Variants in ACTR6 observed in about 807,000 individuals in gnomAD.
ACTR6 encodes the protein actin related protein 6.
Under a neutral mutation model 52.5 loss-of-function variants are expected in ACTR6, and 50 were observed. That is an observed-to-expected ratio of 0.95 (90% CI 0.76 to 1.20). The LOEUF (loss-of-function observed/expected upper bound fraction) is 1.20, where lower values mean the gene tolerates loss of function less well. ACTR6 is among the 50% of genes most tolerant of loss of function. The pLI, the probability that ACTR6 is intolerant of heterozygous loss-of-function variation, is 0.00. For synonymous variants in ACTR6, 135 were observed against 147.2 expected (o/e 0.92, Z 0.60); for missense variants, 344 against 472.4 (o/e 0.73, Z 2.52).
At chr12:100,216,378 G>A (rs1227530936) in intron 8 of ACTR6, among the ~76,000 whole-genome samples, 2 of 152,212 alleles carry the variant, frequency 1.3e-5, no homozygotes, top group Non-Finnish European at 2.9e-5. Flanking sequence ...TGTTGCCCAG[G>A]CTAGCCTCAA....
intron 8 of ACTR6, among the ~76,000 whole-genome samples, chr12:100,215,789 T>G (rs1337584162): frequency 6.6e-6 from 1 of 152,184 alleles, no homozygotes; most frequent in Non-Finnish European, 1.5e-5. Context: ...TATTGGAATT[T>G]TTTATATTGT....
chr12:100,219,121 T>C (rs2096126061), intron 9 of ACTR6, among the ~76,000 whole-genome samples: 1 of 148,510 alleles, frequency 6.7e-6, no homozygotes, highest in African/African-American at 2.5e-5. Context: ...AAGTAGGCAT[T>C]GGAGAAAATC....
intron 1 of ACTR6, chr12:100,204,397 A>G (rs1290405763): frequency 6.6e-6 from 1 of 152,150 alleles, no homozygotes; most frequent in Non-Finnish European, 1.5e-5. Context: ...GTTTTGCCCC[A>G]TCACCAAGGC....
intron 1 of ACTR6, among the ~76,000 whole-genome samples, chr12:100,201,693 C>A (rs922808369): frequency 2.0e-5 from 3 of 152,188 alleles, no homozygotes; most frequent in African/African-American, 7.2e-5. Flanking sequence ...TGCCGTGGTG[C>A]GATCTCAGCT....
chr12:100,214,911 T>C lies in ACTR6; in HGVS notation c.750+2383T>C, dbSNP rs148794242. On this transcript the variant is annotated intron_variant, in intron 8 of 10. Transcript: ENST00000188312. The stretch of plus-strand genomic sequence containing the variant: ...GGCTAAGATACGGAAGGTGTATTTT[T>C]TTTCTTCTTCACAAGACAAGAAAAA... Among the ~76,000 whole-genome samples, 823 of 152,314 alleles carry C rather than the reference T, an allele frequency of 5.4e-3. 6 individuals carry two copies. Among genetic ancestry groups the C allele is most frequent in the Non-Finnish European group, 0.01 (697 of 68,022 alleles).
chr12:100,210,251 A>G (rs746858262), intron 5 of ACTR6, 43 bp downstream of exon 5: 2 of 1,607,578 alleles, frequency 1.2e-6, no homozygotes, highest in Admixed American at 1.7e-5. Context: ...AAGATTAAAC[A>G]GAATGATATG....
chr12:100,218,270 T>C lies in ACTR6; in HGVS notation c.751-145T>C, dbSNP rs764421808. The C allele has an allele frequency of 2.1e-4, 100 of 476,250 alleles. No homozygotes were observed. Among genetic ancestry groups the C allele is most frequent in the Non-Finnish European group, 2.9e-4 (92 of 318,950 alleles). 29.5% of individuals were successfully genotyped at this position (476,250 alleles called of 1,614,324 possible). A position where few individuals can be genotyped will look rare whatever the true frequency, so the allele number is the denominator to read the frequency against. The stretch of plus-strand genomic sequence containing the variant: ...AACAGTAAAGGCAGCCACACATTCT[T>C]CTAAATTTTGAGAATCCTGAAACTT... On this transcript the variant is annotated intron_variant, in intron 8 of 10. Coordinates refer to ENST00000188312, the MANE Select transcript of ACTR6 (RefSeq NM_022496.5). This position sits in a 1 kb window ranked among gnomAD's most constrained non-coding sequence, Gnocchi z 4.2.
At chr12:100,207,968 T>C (rs760320565) in intron 4 of ACTR6, 182 bp downstream of exon 4, 5 of 536,274 alleles carry the variant, frequency 9.3e-6, no homozygotes, top group South Asian at 5.5e-5. Context: ...GAGATCAGCC[T>C]GGGCAGCATG....
In ACTR6 at chr12:100,218,719, C is replaced by T. The variant is rs1265866389; in HGVS notation, c.922+133C>T. The stretch of plus-strand genomic sequence containing the variant: ...TTTTATTTGCAGAGATTTGTAGATC[C>T]CATAATGCATTTATATAATTCTTGA... On this transcript the variant is annotated intron_variant, in intron 9 of 10. Transcript: ENST00000188312. This position sits in a 1 kb window ranked among gnomAD's most constrained non-coding sequence, Gnocchi z 4.2. 8.2e-6 allele frequency: 4 copies of T among 486,284 alleles called. No individual in the cohort carries two copies. Among genetic ancestry groups the T allele is most frequent in the Non-Finnish European group, 6.6e-6 (2 of 302,326 alleles). 30.1% of individuals were successfully genotyped at this position (486,284 alleles called of 1,614,324 possible).
chr12:100,222,357 G>A (rs187863521), intron 10 of ACTR6, among the ~76,000 whole-genome samples: 3 of 148,084 alleles, frequency 2.0e-5, no homozygotes, highest in Non-Finnish European at 4.5e-5. Context: ...TCTGGACTCA[G>A]GTGATCCTTT....
intron 8 of ACTR6, among the ~76,000 whole-genome samples, chr12:100,215,911 GA>G (rs1278057279): frequency 5.3e-5 from 8 of 152,064 alleles, no homozygotes; most frequent in African/African-American, 1.9e-4. Context: ...GTAGCTGGGG[GA>G]AGTTACATAC....
chr12:100,218,642 GCC>G lies in ACTR6; in HGVS notation c.922+58_922+59del. On this transcript the variant is annotated intron_variant, in intron 9 of 10. Coordinates refer to ENST00000188312, the MANE Select transcript of ACTR6 (RefSeq NM_022496.5). The surrounding 1 kb of genome is among the most constrained non-coding windows in gnomAD (Gnocchi z 4.2). ...TATAATTGTTTTAAAAACATCATAA[GCC>G]CTGTGAACCCTGTTTCCTCTAAATA... The G allele has an allele frequency of 8.3e-7, 1 of 1,207,890 alleles. No individual in the cohort carries two copies. Among genetic ancestry groups the G allele is most frequent in the Non-Finnish European group, 1.1e-6 (1 of 925,366 alleles). The allele number at this position is 1,207,890 out of a possible 1,614,324, so 74.8% of individuals were successfully genotyped here.
intron 3 of ACTR6, among the ~76,000 whole-genome samples, chr12:100,206,981 G>GT (rs1307024472): frequency 1.2e-4 from 18 of 151,572 alleles, no homozygotes; most frequent in Non-Finnish European, 2.4e-4. Context: ...GCCTGACCTT[G>GT]TTTTCCTTTC....
Position 100,200,859 on chromosome 12 carries a change from C to T in ACTR6, c.8C>T (p.Thr3Ile), listed in dbSNP as rs2096109009. MT[T>I]LVLDNGAYNA... ...GGTGTGGTTGGTGGTGAGATGACGA[C>T]CTTAGTGCTGGATAATGGAGCTTAC... Residue 3 changes from threonine (T) to isoleucine (I), a missense_variant, in exon 1 of 11, where the codon ACC (threonine) becomes ATC (isoleucine). By Grantham distance (89) the Thr-to-Ile change is moderately conservative (BLOSUM62 -1). Coordinates refer to ENST00000188312, the MANE Select transcript of ACTR6 (RefSeq NM_022496.5). 2 of 1,614,098 alleles carry T rather than the reference C, an allele frequency of 1.2e-6. No individual in the cohort carries two copies. Among genetic ancestry groups the T allele is most frequent in the African/African-American group, 2.7e-5 (2 of 75,024 alleles).
chr12:100,201,198 A>C, intron 1 of ACTR6: 1 of 698,352 alleles, frequency 1.4e-6, no homozygotes, highest in Non-Finnish European at 2.1e-6. Flanking sequence ...TGCGTTCCTG[A>C]CAGAAGGGTC....
chr12:100,207,351 T>G (rs2096115727), intron 3 of ACTR6, among the ~76,000 whole-genome samples: 1 of 152,188 alleles, frequency 6.6e-6, no homozygotes, highest in African/African-American at 2.4e-5. Flanking sequence ...ATTACAGGTA[T>G]GAGCCACTGT....
rs905245972 is a variant in ACTR6 at position 100,224,128 on chromosome 12, A to G, written c.*213A>G. The G allele has an allele frequency of 2.7e-5, 11 of 403,120 alleles. No individual in the cohort carries two copies. The highest frequency in any genetic ancestry group is 1.9e-4 in the African/African-American group (9 of 47,554). 25.0% of individuals were successfully genotyped at this position (403,120 alleles called of 1,614,324 possible). A position where few individuals can be genotyped will look rare whatever the true frequency, so the allele number is the denominator to read the frequency against. On this transcript the variant is annotated 3_prime_UTR_variant, in exon 11 of 11. Coordinates refer to ENST00000188312, the MANE Select transcript of ACTR6 (RefSeq NM_022496.5). The stretch of plus-strand genomic sequence containing the variant: ...ATTTTCATTTAGGAGCTAGACTACC[A>G]TAACAATGCTTATGCTGTTTCCAAG...
At chr12:100,206,545 A>T (rs1439694697) in intron 3 of ACTR6, among the ~76,000 whole-genome samples, 1 of 151,958 alleles carries the variant, frequency 6.6e-6, no homozygotes, top group Non-Finnish European at 1.5e-5. Flanking sequence ...TTTAATAGAC[A>T]TGGGGTTTCA....
intron 9 of ACTR6, among the ~76,000 whole-genome samples, chr12:100,219,174 A>G (rs1444812817): frequency 2.0e-5 from 3 of 151,438 alleles, no homozygotes; most frequent in African/African-American, 7.3e-5. Context: ...AAAAAAAAAA[A>G]AAAAAGAAAA....
Sources: allele counts gnomAD v4.1 joint callset (sites outside exome capture counted in the v4.1 genomes callset), GRCh38; gene constraint gnomAD v4.1.1; non-coding constraint Gnocchi (gnomAD v3.1); transcripts MANE v1.5; gene names NCBI Gene and HGNC (gene_info 2026-07-23, HGNC 2026-07-21).